RBKS: variants seen among roughly 807,000 people sequenced by gnomAD.
The protein encoded by RBKS is ribokinase.
In RBKS, 33 loss-of-function variants were observed where a neutral mutation model predicts 33.9. The ratio of observed to expected loss-of-function variants is 0.97; its 90% confidence interval spans 0.74 to 1.30. The LOEUF (loss-of-function observed/expected upper bound fraction) is 1.30, where lower values mean the gene tolerates loss of function less well. Among genes scored for constraint, RBKS ranks in the 50% most tolerant of loss-of-function variants. The pLI is 0.00. For missense variants in RBKS, 361 were observed against 392.6 expected (o/e 0.92, Z 0.68); for synonymous variants, 125 against 143.0 (o/e 0.87, Z 0.90).
chr2:27,871,312 C>T (rs552551752), intron 1 of RBKS, among the ~76,000 whole-genome samples: 102 of 152,264 alleles, frequency 6.7e-4, no homozygotes, highest in African/African-American at 2.0e-3. Context: ...TTTTTTAATG[C>T]GAGGTGCTTG....
At chr2:27,870,914 A>G in intron 1 of RBKS, 1 of 456,908 alleles carries the variant, frequency 2.2e-6, no homozygotes, top group South Asian at 1.5e-5. Flanking sequence ...TACACAAAAC[A>G]AGCATTGTTG....
chr2:27,871,413 G>T (rs1026558550), intron 1 of RBKS, among the ~76,000 whole-genome samples: 1 of 152,152 alleles, frequency 6.6e-6, no homozygotes, highest in Non-Finnish European at 1.5e-5. Flanking sequence ...CAATGCACCC[G>T]TAATTTAAAT....
In RBKS at chr2:27,810,138, C is replaced by A. The variant is rs1677963665; in HGVS notation, c.795+17429G>T. The A allele has an allele frequency of 5.5e-6, 7 of 1,277,046 alleles. No individual in the cohort carries two copies. The highest frequency in any genetic ancestry group is 6.2e-6 in the Non-Finnish European group (6 of 975,546). 79.1% of individuals were successfully genotyped at this position (1,277,046 alleles called of 1,614,324 possible). A position where few individuals can be genotyped will look rare whatever the true frequency, so the allele number is the denominator to read the frequency against. On this transcript the variant is annotated intron_variant, in intron 7 of 7. Transcript: ENST00000302188. This position sits in a 1 kb window ranked among gnomAD's most constrained non-coding sequence, Gnocchi z 4.4. Reference sequence around the variant, plus strand: ...ATGATTCACAACCAACTGTGTATGTCTTGGCTGGTGCACCTGGTATATTTG... The same window carrying A: ...ATGATTCACAACCAACTGTGTATGTATTGGCTGGTGCACCTGGTATATTTG...
At chr2:27,839,139 A>G (rs1415400208) in intron 5 of RBKS, among the ~76,000 whole-genome samples, 1 of 152,208 alleles carries the variant, frequency 6.6e-6, no homozygotes, top group Non-Finnish European at 1.5e-5. Context: ...CTGTGACTTG[A>G]GCAGCAAAAA....
intron 5 of RBKS, among the ~76,000 whole-genome samples, chr2:27,840,350 ACACACGCGCG>A (rs1663461125): frequency 7.3e-6 from 1 of 137,002 alleles, no homozygotes; most frequent in Non-Finnish European, 1.5e-5. Context: ...ACACACACAC[ACACACGCGCG>A]CGCGCACACA....
At chr2:27,782,900 G>A (rs545242230) in intron 7 of RBKS, among the ~76,000 whole-genome samples, 2 of 152,164 alleles carry the variant, frequency 1.3e-5, no homozygotes, top group East Asian at 1.9e-4. Flanking sequence ...TCTCCTTAAG[G>A]GTGGAGTTTC....
intron 6 of RBKS, among the ~76,000 whole-genome samples, chr2:27,828,178 G>A (rs1678354751): frequency 6.6e-6 from 1 of 152,076 alleles, no homozygotes; most frequent in Non-Finnish European, 1.5e-5. Flanking sequence ...CAGGGAAGAG[G>A]AAAAGCAAAT....
chr2:27,877,227 C>T (rs949618481), intron 1 of RBKS, among the ~76,000 whole-genome samples: 1 of 151,786 alleles, frequency 6.6e-6, no homozygotes, highest in African/African-American at 2.4e-5. Context: ...TCTAAGTCCC[C>T]GACAACACTT....
At chr2:27,855,202 T>C (rs941646213) in intron 2 of RBKS, among the ~76,000 whole-genome samples, 1 of 152,224 alleles carries the variant, frequency 6.6e-6, no homozygotes, top group Non-Finnish European at 1.5e-5. Context: ...TTGATGGTTC[T>C]GAAGGGAAAA....
At chr2:27,782,337 C>A (rs924321742) in intron 7 of RBKS, among the ~76,000 whole-genome samples, 7 of 151,670 alleles carry the variant, frequency 4.6e-5, no homozygotes, top group Non-Finnish European at 1.0e-4. Context: ...ATGTGCAACA[C>A]TTAGCTAATT....
At chr2:27,850,470 T>C (rs949225962) in intron 2 of RBKS, among the ~76,000 whole-genome samples, 2 of 152,230 alleles carry the variant, frequency 1.3e-5, no homozygotes, top group African/African-American at 4.8e-5. Context: ...TCCTCTATGC[T>C]TTGTATATTC....
intron 2 of RBKS, among the ~76,000 whole-genome samples, chr2:27,854,812 A>G (rs1437424336): frequency 6.6e-6 from 1 of 151,084 alleles, no homozygotes; most frequent in Non-Finnish European, 1.5e-5. Context: ...AAAACCCTGC[A>G]TATATTTAAT....
chr2:27,795,786 A>G lies in RBKS; in HGVS notation c.796-13998T>C, dbSNP rs1677655695. ...GGAAAAAGGAAGGAAATCAAGCTGA[A>G]AAGAGTCTCCCTCCCTTTTGACATC... On this transcript the variant is annotated intron_variant, in intron 7 of 7. Coordinates refer to ENST00000302188, the MANE Select transcript of RBKS (RefSeq NM_022128.3). This position sits in a 1 kb window ranked among gnomAD's most constrained non-coding sequence, Gnocchi z 4.1. Among the ~76,000 whole-genome samples, 1 of 152,202 alleles carries G rather than the reference A, an allele frequency of 6.6e-6. No individual in the cohort carries two copies. Among genetic ancestry groups the G allele is most frequent in the Non-Finnish European group, 1.5e-5 (1 of 68,022 alleles).
intron 1 of RBKS, among the ~76,000 whole-genome samples, chr2:27,887,412 G>A (rs888479862): frequency 3.3e-5 from 5 of 152,150 alleles, no homozygotes; most frequent in Admixed American, 6.5e-5. Flanking sequence ...AAATAAACTT[G>A]CGTTAATTAT....
rs746431800 is a variant in RBKS, at chr2:27,781,653, A to G, written c.931T>C (p.Tyr311His). 6 of 1,613,974 alleles carry G rather than the reference A, an allele frequency of 3.7e-6. No individual in the cohort carries two copies. Among genetic ancestry groups the G allele is most frequent in the Non-Finnish European group, 5.1e-6 (6 of 1,179,948 alleles). ...AGCGGAAGGTCTTTTTTGTAAGGGT[A>G]AGATGACTGTGTTCCTGCAGCCTGG... Reference protein sequence around the residue: ...SVQAAGTQSSYPYKKDLPLTL... With the variant: ...SVQAAGTQSSHPYKKDLPLTL... The change falls in exon 8 of 8, where the codon TAC becomes CAC. Residue 311 changes from tyrosine (Y) to histidine (H), a missense_variant. By Grantham distance (83) the Tyr-to-His change is moderately conservative. Transcript: ENST00000302188.
intron 7 of RBKS, among the ~76,000 whole-genome samples, chr2:27,797,366 G>A (rs1280233935): frequency 2.6e-5 from 4 of 152,196 alleles, no homozygotes; most frequent in African/African-American, 7.2e-5. Flanking sequence ...TGTCACAGAC[G>A]CCAGCAGCAA....
At chr2:27,789,575 T>A (rs774166140) in intron 7 of RBKS, among the ~76,000 whole-genome samples, 25 of 151,568 alleles carry the variant, frequency 1.6e-4, no homozygotes, top group Non-Finnish European at 2.8e-4. Context: ...TTTTAAAAAA[T>A]TTTTTTTGAG....
chr2:27,800,412 C>A (rs1377491606), intron 7 of RBKS, among the ~76,000 whole-genome samples: 3 of 152,186 alleles, frequency 2.0e-5, no homozygotes, highest in African/African-American at 7.2e-5. Flanking sequence ...TGACCTCTGG[C>A]AAGTCACTCA....
At chr2:27,871,237 A>G (rs1664204569) in intron 1 of RBKS, among the ~76,000 whole-genome samples, 1 of 152,194 alleles carries the variant, frequency 6.6e-6, no homozygotes, top group South Asian at 2.1e-4. Flanking sequence ...GCCTTCAATG[A>G]TTGCTTCTGT....
Sources: gnomAD v4.1 joint callset for allele counts (sites outside exome capture counted in the v4.1 genomes callset) on GRCh38, gnomAD v4.1.1 for gene constraint, Gnocchi (gnomAD v3.1) non-coding constraint, MANE v1.5 for transcripts, NCBI Gene and HGNC (gene_info 2026-07-23, HGNC 2026-07-21) for gene names.